WDPCP: variants seen among roughly 807,000 people sequenced by gnomAD.
WDPCP encodes the protein WD repeat-containing and planar cell polarity effector protein fritz homolog.
In WDPCP, 71 loss-of-function variants were observed where a neutral mutation model predicts 93.1. The ratio of observed to expected loss-of-function variants is 0.76; its 90% CI spans 0.63 to 0.93. The LOEUF (loss-of-function observed/expected upper bound fraction) is 0.93. WDPCP is among the 40% of genes least tolerant of loss of function. WDPCP has a pLI of 0.00. For missense variants in WDPCP, 844 were observed against 887.4 expected (o/e 0.95, Z 0.62); for synonymous variants, 315 against 315.0 (o/e 1.00, Z 0.00).
At chr2:63,803,228 C>T (rs923236097) in intron 2 of WDPCP, among the ~76,000 whole-genome samples, 3 of 152,222 alleles carry the variant, frequency 2.0e-5, no homozygotes, top group Admixed American at 2.0e-4. Flanking sequence ...GAGATACCAA[C>T]CCTAAAGACA....
intron 1 of WDPCP, among the ~76,000 whole-genome samples, chr2:63,550,646 T>C (rs1001457858): frequency 7.9e-5 from 12 of 151,926 alleles, no homozygotes; most frequent in Admixed American, 6.6e-4. Context: ...ACAGCTTCAA[T>C]TTCCATCTAC....
chr2:63,174,652 C>G lies in WDPCP; in HGVS notation c.2078+18G>C. Reference sequence around the variant, plus strand: ...TAAATACTTTATGGAGCAATTTCCTCAGTTCAACATTTCTTACCTGTTAGA... The same window carrying G: ...TAAATACTTTATGGAGCAATTTCCTGAGTTCAACATTTCTTACCTGTTAGA... On this transcript the variant is annotated intron_variant, in intron 15 of 17. Coordinates refer to ENST00000272321, the MANE Select transcript of WDPCP (RefSeq NM_015910.7). 1.2e-6 allele frequency: 2 copies of G among 1,613,568 alleles called. No individual in the cohort carries two copies. Among genetic ancestry groups the G allele is most frequent in the Non-Finnish European group, 1.7e-6 (2 of 1,179,618 alleles).
At chr2:63,552,765 G>C (rs986244565) in intron 1 of WDPCP, among the ~76,000 whole-genome samples, 1 of 152,178 alleles carries the variant, frequency 6.6e-6, no homozygotes, top group Non-Finnish European at 1.5e-5. Context: ...AATCATTAGG[G>C]ACCAGCAGTG....
At chr2:63,233,365 G>GC in intron 14 of WDPCP, 1 of 272,984 alleles carries the variant, frequency 3.7e-6, no homozygotes, top group Non-Finnish European at 7.1e-6. Flanking sequence ...GCAAAAGATG[G>GC]AACCATAAAT....
At chr2:63,553,195 G>A (rs922934922) in intron 1 of WDPCP, among the ~76,000 whole-genome samples, 1 of 152,076 alleles carries the variant, frequency 6.6e-6, no homozygotes, top group Non-Finnish European at 1.5e-5. Flanking sequence ...TTTTGCCAAG[G>A]AATAATAAAA....
intron 3 of WDPCP, among the ~76,000 whole-genome samples, chr2:63,617,241 T>C (rs893590409): frequency 2.6e-5 from 4 of 152,226 alleles, no homozygotes; most frequent in African/African-American, 7.2e-5. Context: ...AATTCAGCTA[T>C]GAAATTGAAA....
intron 12 of WDPCP, among the ~76,000 whole-genome samples, chr2:63,313,883 TATA>T (rs1352081040): frequency 5.2e-4 from 44 of 84,970 alleles, no homozygotes; most frequent in South Asian, 1.3e-3. Context: ...TATATATATA[TATA>T]TTTTTTTTTT....
intron 1 of WDPCP, among the ~76,000 whole-genome samples, chr2:63,497,111 C>A (rs79346151): frequency 5.0e-3 from 365 of 72,314 alleles, no homozygotes; most frequent in Non-Finnish European, 6.1e-3. Flanking sequence ...GACTCCATCT[C>A]AAAAAAAAAA....
In WDPCP at chr2:63,578,871, T is replaced by C. The variant is rs1158228498; in HGVS notation, c.75+9326A>G. 2.6e-5 allele frequency among the ~76,000 whole-genome samples: 4 copies of C among 152,320 alleles called. No individual in the cohort carries two copies. The East Asian group carries it at 5.8e-4, about 22-fold the overall frequency. ...CTCCATGAGATTCACTTATTCTTAA[T>C]GAGGCTCAAATAATGGCCCTATTTG... On this transcript the variant is annotated intron_variant, in intron 1 of 17. Coordinates refer to ENST00000272321, the MANE Select transcript of WDPCP (RefSeq NM_015910.7).
chr2:63,555,992 C>G, intron 1 of WDPCP, among the ~76,000 whole-genome samples: 1 of 152,192 alleles, frequency 6.6e-6, no homozygotes, highest in Non-Finnish European at 1.5e-5. Context: ...TGGATGGAGG[C>G]TGAGATGGAT....
At chr2:63,585,016 A>G (rs1708742824) in intron 1 of WDPCP, among the ~76,000 whole-genome samples, 1 of 152,220 alleles carries the variant, frequency 6.6e-6, no homozygotes, top group South Asian at 2.1e-4. Flanking sequence ...TTGACTACGT[A>G]ATGATCATGA....
At chr2:63,407,326 G>A (rs141753172) in intron 9 of WDPCP, among the ~76,000 whole-genome samples, 195 of 152,274 alleles carry the variant, frequency 1.3e-3, no homozygotes, top group Admixed American at 2.4e-3. Flanking sequence ...AAAGTCATGG[G>A]AAATGGGAAT....
intron 1 of WDPCP, among the ~76,000 whole-genome samples, chr2:63,553,967 A>G (rs1427021986): frequency 2.6e-5 from 4 of 152,122 alleles, no homozygotes. Context: ...AACCAAGGAC[A>G]CTCTTTCACA....
chr2:63,153,120 T>C (rs1429051423), intron 16 of WDPCP, 175 bp from the exon 17 acceptor site: 6 of 621,160 alleles, frequency 9.7e-6, no homozygotes, highest in East Asian at 8.3e-5. Context: ...CCAATCATTT[T>C]CATATATATG....
At chr2:63,719,715 G>A (rs971908597) in intron 2 of WDPCP, among the ~76,000 whole-genome samples, 19 of 151,642 alleles carry the variant, frequency 1.3e-4, no homozygotes, top group South Asian at 2.1e-4. Context: ...GAAATATTTC[G>A]GAGCATAATG....
intron 13 of WDPCP, among the ~76,000 whole-genome samples, chr2:63,273,580 G>C (rs1559270494): frequency 1.3e-5 from 2 of 151,996 alleles, no homozygotes; most frequent in Admixed American, 1.3e-4. Flanking sequence ...CTTCCTATAA[G>C]ACACTGACTT....
chr2:63,212,895 A>T (rs1052566149), intron 14 of WDPCP, among the ~76,000 whole-genome samples: 2 of 152,358 alleles, frequency 1.3e-5, no homozygotes, highest in East Asian at 3.9e-4. Context: ...TATAATGGTA[A>T]AGAGATCAAT....
intron 3 of WDPCP, among the ~76,000 whole-genome samples, chr2:63,621,037 G>A (rs1046082593): frequency 6.6e-6 from 1 of 152,134 alleles, no homozygotes; most frequent in Admixed American, 6.5e-5. Flanking sequence ...AAGACCAAAG[G>A]TAGATAAATC....
At chr2:63,137,872 C>T (rs956507197) in intron 17 of WDPCP, among the ~76,000 whole-genome samples, 5 of 151,994 alleles carry the variant, frequency 3.3e-5, no homozygotes, top group Admixed American at 3.3e-4. Flanking sequence ...TGTAGGTGTG[C>T]AGTCTTATTT....
Sources: gnomAD v4.1 joint callset for allele counts (sites outside exome capture counted in the v4.1 genomes callset) on GRCh38, gnomAD v4.1.1 for gene constraint, MANE v1.5 for transcripts, NCBI Gene and HGNC (gene_info 2026-07-23, HGNC 2026-07-21) for gene names.